NINJ2: variants seen among roughly 807,000 people sequenced by gnomAD.
NINJ2 encodes the protein ninjurin 2.
NINJ2 carries 12 observed loss-of-function variants against 11.7 expected under a neutral mutation model. The observed-to-expected ratio is 1.02, with a 90% CI of 0.66 to 1.66. The LOEUF is 1.66. NINJ2 is among the 40% of genes most tolerant of loss of function. NINJ2 has a pLI of 0.00. For synonymous variants in NINJ2, 93 were observed against 76.8 expected (o/e 1.21, Z -1.10); for missense variants, 187 against 181.8 (o/e 1.03, Z -0.16).
intron 1 of NINJ2, among the ~76,000 whole-genome samples, chr12:657,970 C>T (rs926416859): frequency 2.3e-5 from 3 of 132,452 alleles, no homozygotes; most frequent in African/African-American, 5.5e-5. Flanking sequence ...TTTGTGTTTA[C>T]ACAAAAACCT....
intron 1 of NINJ2, among the ~76,000 whole-genome samples, chr12:634,421 G>A (rs1405884267): frequency 1.3e-5 from 2 of 151,580 alleles, no homozygotes; most frequent in Non-Finnish European, 2.9e-5. Flanking sequence ...CACCACAGCC[G>A]GCTAATTTTT....
intron 1 of NINJ2, among the ~76,000 whole-genome samples, chr12:569,673 G>A (rs1011645889): frequency 6.6e-6 from 1 of 152,214 alleles, no homozygotes; most frequent in African/African-American, 2.4e-5. Context: ...GCAGGGGTGA[G>A]TACACGGGCA....
chr12:607,353 ATG>A (rs1156516841), intron 1 of NINJ2, among the ~76,000 whole-genome samples: 226 of 5,236 alleles, frequency 0.043, 6 homozygotes, highest in South Asian at 0.22. Context: ...TCTGTAAGGG[ATG>A]ATGATGATGA....
At chr12:601,314 AG>A (rs1306764987) in intron 1 of NINJ2, among the ~76,000 whole-genome samples, 1 of 152,066 alleles carries the variant, frequency 6.6e-6, no homozygotes, top group Non-Finnish European at 1.5e-5. Context: ...TGGGAGGCTG[AG>A]GCGGGCGGAT....
intron 1 of NINJ2, among the ~76,000 whole-genome samples, chr12:594,892 A>G (rs1279040279): frequency 6.6e-6 from 1 of 152,218 alleles, no homozygotes; most frequent in Non-Finnish European, 1.5e-5. Context: ...AAGGAAAAAA[A>G]TAAAGTCAGA....
At chr12:578,858 T>C (rs1293016334) in intron 1 of NINJ2, among the ~76,000 whole-genome samples, 1 of 152,218 alleles carries the variant, frequency 6.6e-6, no homozygotes, top group Non-Finnish European at 1.5e-5. Context: ...CCCAGCCCAG[T>C]GCTGCCAGCT....
intron 1 of NINJ2, chr12:643,304 C>T: frequency 2.6e-6 from 1 of 385,832 alleles, no homozygotes; most frequent in Non-Finnish European, 3.6e-6. Context: ...AGACTCTGCA[C>T]CGTCGCGGCC....
intron 1 of NINJ2, among the ~76,000 whole-genome samples, chr12:601,363 A>T (rs2109552): frequency 6.6e-6 from 1 of 150,914 alleles, no homozygotes; most frequent in East Asian, 2.0e-4. Context: ...TGGCTAACAC[A>T]GTGAAACCCC....
intron 1 of NINJ2, among the ~76,000 whole-genome samples, chr12:629,612 G>C (rs940848583): frequency 7.9e-5 from 12 of 152,016 alleles, no homozygotes; most frequent in Admixed American, 7.9e-4. Context: ...TCTTGGTTGG[G>C]CATGGTGGCT....
chr12:602,336 T>C lies in NINJ2; in HGVS notation c.34-36158A>G, dbSNP rs548645627. On this transcript the variant is annotated intron_variant, in intron 1 of 3. Transcript: ENST00000305108. ...CAGCCCCAGCCTAGGCAACTACTAATCTACTTTCTGTCTGTATCGATTTTG... is the reference window on the plus strand; with the variant it reads ...CAGCCCCAGCCTAGGCAACTACTAACCTACTTTCTGTCTGTATCGATTTTG... 8.5e-5 allele frequency among the ~76,000 whole-genome samples: 13 copies of C among 152,320 alleles called. No homozygotes were observed. The East Asian group carries it at 2.5e-3, about 29-fold the overall frequency.
At chr12:600,581 AT>A (rs2120903157) in intron 1 of NINJ2, among the ~76,000 whole-genome samples, 1 of 152,188 alleles carries the variant, frequency 6.6e-6, no homozygotes, top group East Asian at 1.9e-4. Context: ...ATAAAATTAA[AT>A]TAAAAAGGGT....
At chr12:618,282 A>G (rs1948116382) in intron 1 of NINJ2, among the ~76,000 whole-genome samples, 1 of 57,484 alleles carries the variant, frequency 1.7e-5, no homozygotes, top group Non-Finnish European at 3.3e-5. Context: ...GGGGGTGAGG[A>G]GTTGGTAATG....
At chr12:592,032 A>G (rs1947723698) in intron 1 of NINJ2, among the ~76,000 whole-genome samples, 2 of 151,662 alleles carry the variant, frequency 1.3e-5, no homozygotes, top group African/African-American at 4.8e-5. Flanking sequence ...CCAAACGCAT[A>G]TCTTGTTTGC....
intron 1 of NINJ2, among the ~76,000 whole-genome samples, chr12:636,167 G>A (rs999906479): frequency 6.6e-6 from 1 of 150,948 alleles, no homozygotes; most frequent in East Asian, 2.0e-4. Flanking sequence ...ACCTTAGGTC[G>A]GGAGTTCGAG....
rs879435551 is a variant in NINJ2 at position 585,530 on chromosome 12, CGGTTGGAGGGAAGGGAAGGGAA to C, written c.34-19374_34-19353del. On this transcript the variant is annotated intron_variant, in intron 1 of 3. Transcript: ENST00000305108. The surrounding 1 kb of genome is among the most constrained non-coding windows in gnomAD (Gnocchi z 4.1). ...AACGGTTGGAGGGAAGGGAAGGGAA[CGGTTGGAGGGAAGGGAAGGGAA>C]CGGTTGGAGGGAAGGGAGGCTGAGC... 0.11 allele frequency among the ~76,000 whole-genome samples: 9,186 copies of C among 85,356 alleles called. 477 individuals carry two copies. The highest frequency in any genetic ancestry group is 0.14 in the Non-Finnish European group (6,163 of 44,018). The allele number at this position is 85,356 out of a possible 152,430, so 56.0% of individuals were successfully genotyped here.
intron 1 of NINJ2, among the ~76,000 whole-genome samples, chr12:582,720 T>A (rs1947573598): frequency 1.4e-5 from 1 of 73,226 alleles, no homozygotes; most frequent in Non-Finnish European, 2.5e-5. Flanking sequence ...AATGAATGAA[T>A]GGACGCAGGC....
At chr12:565,528 G>T in intron 2 of NINJ2, 127 bp from the exon 3 acceptor site, 1 of 1,011,392 alleles carries the variant, frequency 9.9e-7, no homozygotes, top group Non-Finnish European at 1.5e-6. Context: ...AATCAAGGGA[G>T]GTGGTCGTCA....
rs138765402 is a variant in NINJ2 at position 580,114 on chromosome 12, C to T, written c.34-13936G>A. 3.9e-3 allele frequency among the ~76,000 whole-genome samples: 601 copies of T among 152,264 alleles called. 3 individuals are homozygous for T. Among genetic ancestry groups the T allele is most frequent in the African/African-American group, 0.014 (572 of 41,540 alleles). ...CTGGTCCCCATTGTTGAGGGACTTA[C>T]ACAGCCTATGCTTCCAGGGCTGTAG... On this transcript the variant is annotated intron_variant, in intron 1 of 3. Coordinates refer to ENST00000305108, the MANE Select transcript of NINJ2 (RefSeq NM_016533.6). The surrounding 1 kb of genome is among the most constrained non-coding windows in gnomAD (Gnocchi z 4.7).
At chr12:627,654 C>T (rs577852329) in intron 1 of NINJ2, among the ~76,000 whole-genome samples, 62 of 152,368 alleles carry the variant, frequency 4.1e-4, no homozygotes, top group African/African-American at 1.4e-3. Context: ...AAGGGTGGCA[C>T]CTCTGTGCCC....
Sources: allele counts gnomAD v4.1 joint callset (sites outside exome capture counted in the v4.1 genomes callset), GRCh38; gene constraint gnomAD v4.1.1; non-coding constraint Gnocchi (gnomAD v3.1); transcripts MANE v1.5; gene names NCBI Gene and HGNC (gene_info 2026-07-23, HGNC 2026-07-21).